Variants in MACROD2 observed in about 807,000 individuals in gnomAD.
MACROD2 encodes ADP-ribose glycohydrolase MACROD2.
In MACROD2, 36 loss-of-function variants were observed where a neutral mutation model predicts 70.4. The observed-to-expected ratio is 0.51, with a 90% CI of 0.39 to 0.68. MACROD2 has a LOEUF of 0.68. MACROD2 is among the 30% of genes least tolerant of loss of function. MACROD2 has a pLI of 0.00. For missense variants in MACROD2, 496 were observed against 538.4 expected (o/e 0.92, Z 0.78); for synonymous variants, 172 against 178.8 (o/e 0.96, Z 0.30).
At chr20:14,030,790 T>C (rs1322831102) in intron 2 of MACROD2, among the ~76,000 whole-genome samples, 1 of 151,836 alleles carries the variant, frequency 6.6e-6, no homozygotes, top group Non-Finnish European at 1.5e-5. Context: ...GTCAGACTCT[T>C]TGGAATTGCC....
At chr20:15,060,943 GCC>G (rs2075527626) in intron 5 of MACROD2, among the ~76,000 whole-genome samples, 1 of 152,178 alleles carries the variant, frequency 6.6e-6, no homozygotes, top group Non-Finnish European at 1.5e-5. Context: ...TCATTACAAT[GCC>G]GTGATTTTTA....
intron 5 of MACROD2, among the ~76,000 whole-genome samples, chr20:14,697,877 G>T: frequency 6.6e-6 from 1 of 152,130 alleles, no homozygotes; most frequent in East Asian, 1.9e-4. Context: ...CAGTTTCTAG[G>T]CAGTGCCTAA....
chr20:15,075,564 A>G (rs1311583399), intron 5 of MACROD2, among the ~76,000 whole-genome samples: 3 of 152,176 alleles, frequency 2.0e-5, no homozygotes, highest in Admixed American at 2.0e-4. Flanking sequence ...TGTCTATAAC[A>G]TCATCTTCAA....
At chr20:14,338,479 C>T (rs186023029) in intron 3 of MACROD2, among the ~76,000 whole-genome samples, 4 of 151,986 alleles carry the variant, frequency 2.6e-5, no homozygotes, top group East Asian at 1.9e-4. Flanking sequence ...CTTTTGGAGG[C>T]GAAGAAGTTA....
chr20:14,514,540 A>T (rs1243341922), intron 4 of MACROD2, among the ~76,000 whole-genome samples: 1 of 152,136 alleles, frequency 6.6e-6, no homozygotes, highest in African/African-American at 2.4e-5. Context: ...CAATTACGTT[A>T]GACTACTGCA....
chr20:15,190,163 G>A (rs911772527), intron 5 of MACROD2, among the ~76,000 whole-genome samples: 2 of 152,190 alleles, frequency 1.3e-5, no homozygotes, highest in African/African-American at 2.4e-5. Flanking sequence ...AACAAGGGCA[G>A]TATGTGTTTC....
chr20:14,229,732 C>G (rs1407474992), intron 3 of MACROD2, among the ~76,000 whole-genome samples: 1 of 152,152 alleles, frequency 6.6e-6, no homozygotes, highest in South Asian at 2.1e-4. Context: ...GAAGACTGTC[C>G]ACACAAAAAC....
chr20:14,409,140 G>A (rs905110674), intron 3 of MACROD2, among the ~76,000 whole-genome samples: 1 of 126,310 alleles, frequency 7.9e-6, no homozygotes, highest in Non-Finnish European at 1.6e-5. Context: ...TCTAAGGTCT[G>A]TTTTGGCTTT....
At chr20:14,416,484 G>A (rs1002786380) in intron 3 of MACROD2, among the ~76,000 whole-genome samples, 12 of 151,992 alleles carry the variant, frequency 7.9e-5, no homozygotes, top group African/African-American at 2.2e-4. Flanking sequence ...TCATGTATGC[G>A]ATATATTTGT....
chr20:14,933,946 T>C (rs1490722124), intron 5 of MACROD2: 2 of 152,182 alleles, frequency 1.3e-5, no homozygotes, highest in Non-Finnish European at 1.5e-5. Flanking sequence ...TCATTACCTA[T>C]GAGAAAGGTA....
chr20:14,175,455 G>A (rs1289617732), intron 3 of MACROD2, among the ~76,000 whole-genome samples: 1 of 152,040 alleles, frequency 6.6e-6, no homozygotes, highest in Non-Finnish European at 1.5e-5. Flanking sequence ...TGGAGGGAGG[G>A]AAAGTGTTCT....
intron 8 of MACROD2, among the ~76,000 whole-genome samples, chr20:15,590,825 T>TC (rs1397900968): frequency 1.4e-5 from 2 of 146,682 alleles, no homozygotes; most frequent in African/African-American, 5.1e-5. Context: ...GTGAGGTGAG[T>TC]CCATGACACT....
At chr20:14,185,888 T>G (rs1569196758) in intron 3 of MACROD2, among the ~76,000 whole-genome samples, 1 of 152,198 alleles carries the variant, frequency 6.6e-6, no homozygotes, top group Admixed American at 6.5e-5. Flanking sequence ...AAATACTACA[T>G]TATATAAATA....
chr20:16,038,890 G>A (rs1321663516), intron 15 of MACROD2, among the ~76,000 whole-genome samples: 1 of 151,928 alleles, frequency 6.6e-6, no homozygotes, highest in Non-Finnish European at 1.5e-5. Flanking sequence ...ATCAGGAATT[G>A]TATTAATTAA....
intron 5 of MACROD2, among the ~76,000 whole-genome samples, chr20:14,932,467 C>T (rs964723615): frequency 6.6e-6 from 1 of 152,166 alleles, no homozygotes; most frequent in African/African-American, 2.4e-5. Flanking sequence ...AGTTATCCAT[C>T]TTTCTTCTTT....
intron 5 of MACROD2, among the ~76,000 whole-genome samples, chr20:15,100,268 A>G (rs992155472): frequency 2.6e-5 from 4 of 151,812 alleles, no homozygotes; most frequent in South Asian, 4.1e-4. Context: ...TTTTTTCTTT[A>G]TGATAGATTT....
chr20:14,727,459 TG>T, intron 5 of MACROD2, among the ~76,000 whole-genome samples: 1 of 151,926 alleles, frequency 6.6e-6, no homozygotes, highest in African/African-American at 2.4e-5. Flanking sequence ...CATTTGAGCC[TG>T]GGAGGTTGAA....
In MACROD2 at chr20:15,030,192, G is replaced by GTC. The variant is rs879459742; in HGVS notation, c.419-199748_419-199747insTC. 1.5e-3 allele frequency among the ~76,000 whole-genome samples: 225 copies of GTC among 152,030 alleles called. 4 individuals are homozygous for GTC. In the East Asian group the frequency reaches 0.037, roughly 25 times the overall value. Reference sequence around the variant, plus strand: ...CATCTCCATGACTGAGGGTTTTCTAGAACTGTGGAAGGTCCCTTTGCACAA... The same window carrying GTC: ...CATCTCCATGACTGAGGGTTTTCTAGTCAACTGTGGAAGGTCCCTTTGCACAA... On this transcript the variant is annotated intron_variant, in intron 5 of 17. Transcript: ENST00000684519.
chr20:14,915,758 C>T (rs962740128), intron 5 of MACROD2, among the ~76,000 whole-genome samples: 4 of 152,252 alleles, frequency 2.6e-5, no homozygotes, highest in South Asian at 4.1e-4. Flanking sequence ...AGTTTCATGT[C>T]CACAGCACGG....
Sources: gnomAD v4.1 joint callset for allele counts (sites outside exome capture counted in the v4.1 genomes callset) on GRCh38, gnomAD v4.1.1 for gene constraint, MANE v1.5 for transcripts, NCBI Gene and HGNC (gene_info 2026-07-23, HGNC 2026-07-21) for gene names.